Variants in BRD4 observed in about 807,000 individuals in gnomAD.
BRD4 encodes the protein bromodomain-containing protein 4.
Under a neutral mutation model 142.1 loss-of-function variants are expected in BRD4, and 16 were observed. That is an observed-to-expected ratio of 0.11 (90% CI 0.08 to 0.17). The LOEUF is 0.17. Ranked by LOEUF, BRD4 falls within the 10% of genes least tolerant of loss-of-function variation. BRD4 has a pLI of 1.00. For synonymous variants in BRD4, 833 were observed against 707.5 expected (o/e 1.18, Z -2.82); for missense variants, 1,424 against 1,810.9 (o/e 0.79, Z 3.88).
Position 15,272,300 on chromosome 19 carries a change from G to A in BRD4, c.285+515C>T, listed in dbSNP as rs191863746. On this transcript the variant is annotated intron_variant, in intron 2 of 19. Coordinates refer to ENST00000679869, the MANE Select transcript of BRD4 (RefSeq NM_001379291.1). ...CAGCCACCTTTCTCCAACTGGGGAC[G>A]CCTCCATGTACTTGCACTCCCTGCG... Among the ~76,000 whole-genome samples, 74 of 152,250 alleles carry A rather than the reference G, an allele frequency of 4.9e-4. 1 individual carries two copies. The highest frequency in any genetic ancestry group is 3.8e-3 in the Admixed American group (58 of 15,292).
chr19:15,331,586 G>A (rs537581297), intron 1 of BRD4, among the ~76,000 whole-genome samples: 6 of 152,320 alleles, frequency 3.9e-5, no homozygotes, highest in African/African-American at 7.2e-5. Context: ...CCTGGCCTCA[G>A]ACCGGCGTGC....
intron 2 of BRD4, among the ~76,000 whole-genome samples, chr19:15,271,490 C>T (rs2047586797): frequency 6.6e-6 from 1 of 152,296 alleles, no homozygotes; most frequent in East Asian, 1.9e-4. Flanking sequence ...CTTCTGTAGG[C>T]CTTCTGCCTT....
intron 14 of BRD4, among the ~76,000 whole-genome samples, chr19:15,241,986 T>C (rs953971613): frequency 1.3e-5 from 2 of 152,072 alleles, no homozygotes; most frequent in African/African-American, 4.8e-5. Flanking sequence ...ATAATTTTTG[T>C]ATTTTTAGTA....
intron 1 of BRD4, among the ~76,000 whole-genome samples, chr19:15,297,752 T>C (rs1248601701): frequency 6.6e-6 from 1 of 152,172 alleles, no homozygotes; most frequent in African/African-American, 2.4e-5. Context: ...TCACTTCCTC[T>C]GTATGAAGCC....
At position 15,244,703 on chromosome 19, in the gene BRD4, C is replaced by T; in HGVS notation, c.2211+7G>A. On this transcript the variant is annotated splice_region_variant and intron_variant, in intron 12 of 19. Transcript: ENST00000679869. Reference sequence around the variant, plus strand: ...ACCTAATGAAGGATGCCCCTGAGCCCATGTACCTTCTTCTGCTCCCTCCCG... The same window carrying T: ...ACCTAATGAAGGATGCCCCTGAGCCTATGTACCTTCTTCTGCTCCCTCCCG... 6.2e-7 allele frequency: 1 copy of T among 1,614,152 alleles called. No individual in the cohort carries two copies. The highest frequency in any genetic ancestry group is 8.5e-7 in the Non-Finnish European group (1 of 1,180,022).
intron 1 of BRD4, among the ~76,000 whole-genome samples, chr19:15,315,148 CTTTG>C (rs999374237): frequency 2.6e-5 from 4 of 151,882 alleles, no homozygotes; most frequent in African/African-American, 4.8e-5. Context: ...TCTGGACTGG[CTTTG>C]TTTTTTTTTT....
At chr19:15,263,661 A>G (rs1337283542) in intron 6 of BRD4, 113 bp from the exon 7 acceptor site, 1 of 1,377,912 alleles carries the variant, frequency 7.3e-7, no homozygotes, top group African/African-American at 1.4e-5. Context: ...CTTGGCTCTC[A>G]GTTTGGTCAA....
At chr19:15,289,119 C>T (rs2047762116) in intron 1 of BRD4, among the ~76,000 whole-genome samples, 1 of 152,226 alleles carries the variant, frequency 6.6e-6, no homozygotes. Flanking sequence ...GGCCCCATAG[C>T]TCTGTTTTCT....
chr19:15,270,486 T>C (rs1018843378), intron 2 of BRD4, among the ~76,000 whole-genome samples: 5 of 152,188 alleles, frequency 3.3e-5, no homozygotes, highest in Admixed American at 6.5e-5. Flanking sequence ...GAACCAAGTC[T>C]GAATAGATCT....
At chr19:15,264,992 T>TA (rs1309255469) in intron 5 of BRD4, among the ~76,000 whole-genome samples, 1 of 152,220 alleles carries the variant, frequency 6.6e-6, no homozygotes, top group African/African-American at 2.4e-5. Context: ...AGCATAAAAC[T>TA]GTGTGCTCAC....
intron 11 of BRD4, among the ~76,000 whole-genome samples, chr19:15,252,301 C>T (rs1048988188): frequency 4.9e-4 from 75 of 152,350 alleles, no homozygotes; most frequent in African/African-American, 1.8e-3. Flanking sequence ...GCCACGACCA[C>T]GTCATGTCAT....
chr19:15,238,675 TCC>T lies in BRD4; in HGVS notation c.4020+66_4020+67del. 6.9e-7 allele frequency: 1 copy of T among 1,457,422 alleles called. No individual in the cohort carries two copies. The highest frequency in any genetic ancestry group is 9.1e-7 in the Non-Finnish European group (1 of 1,103,920). The allele number at this position is 1,457,422 out of a possible 1,614,324, so 90.3% of individuals were successfully genotyped here. A position where few individuals can be genotyped will look rare whatever the true frequency, so the allele number is the denominator to read the frequency against. On this transcript the variant is annotated intron_variant, in intron 19 of 19. Transcript: ENST00000679869. This position sits in a 1 kb window ranked among gnomAD's most constrained non-coding sequence, Gnocchi z 7.2. The stretch of plus-strand genomic sequence containing the variant: ...CTGCCCCTCCCTGTCCAGGCTCCAG[TCC>T]CCCTTTCCCAGCTCCCTCAGGAGCT...
chr19:15,292,777 C>CAAAAAAAAAAAAAAAAAAAAAAAAAAAA (rs57341445), intron 1 of BRD4, among the ~76,000 whole-genome samples: 6 of 57,256 alleles, frequency 1.0e-4, no homozygotes, highest in Admixed American at 2.6e-4. Context: ...GACTCCGTCT[C>CAAAAAAAAAAAAAAAAAAAAAAAAAAAA]AAAAAAAAAA....
intron 14 of BRD4, among the ~76,000 whole-genome samples, chr19:15,242,362 C>T (rs933655427): frequency 6.6e-6 from 1 of 152,124 alleles, no homozygotes; most frequent in Non-Finnish European, 1.5e-5. Flanking sequence ...TGTGGCCTGA[C>T]CAATGCTGTC....
intron 1 of BRD4, among the ~76,000 whole-genome samples, chr19:15,283,134 G>A (rs1344732617): frequency 4.6e-5 from 7 of 152,096 alleles, no homozygotes; most frequent in Admixed American, 4.6e-4. Flanking sequence ...TGCTTAAGAG[G>A]GGTGTTTCCT....
intron 1 of BRD4, among the ~76,000 whole-genome samples, chr19:15,277,789 C>CCAAAA (rs370368371): frequency 0.13 from 20,036 of 149,448 alleles, 1,566 homozygotes; most frequent in Middle Eastern, 0.19. Flanking sequence ...GACTCCGTCT[C>CCAAAA]CAAAACAAAA....
rs1183518724 is a variant in BRD4, at chr19:15,242,905, G to A, written c.3164C>T (p.Ser1055Leu). ...SPRHHKSDPY[S>L]TGHLREAPSP... ...TACGGGTGAGGACCACTTACCGGTT[G>A]AGTAGGGGTCCGACTTGTGGTGCCG... is the stretch of plus-strand genomic sequence containing the variant. The change falls in exon 14 of 20, where the codon TCA becomes TTA. Residue 1055 changes from serine to leucine, a missense_variant. Ser to Leu is a moderately radical substitution (Grantham distance 145, BLOSUM62 -2). Transcript: ENST00000679869. 4.4e-6 allele frequency: 7 copies of A among 1,606,376 alleles called. 1 individual carries two copies. In the Admixed American group the frequency reaches 6.8e-5, roughly 16 times the overall value.
chr19:15,261,077 A>C (rs2047465325), intron 7 of BRD4, among the ~76,000 whole-genome samples: 1 of 152,208 alleles, frequency 6.6e-6, no homozygotes, highest in Non-Finnish European at 1.5e-5. Context: ...GTGTGGGCAA[A>C]AGCTGCGCCC....
intron 1 of BRD4, among the ~76,000 whole-genome samples, chr19:15,308,710 A>T (rs1013013784): frequency 6.6e-6 from 1 of 150,920 alleles, no homozygotes; most frequent in Non-Finnish European, 1.5e-5. Context: ...CATAAGCTGA[A>T]ACTCCTTAAA....
Sources: allele counts gnomAD v4.1 joint callset (sites outside exome capture counted in the v4.1 genomes callset), GRCh38; gene constraint gnomAD v4.1.1; non-coding constraint Gnocchi (gnomAD v3.1); transcripts MANE v1.5; gene names NCBI Gene and HGNC (gene_info 2026-07-23, HGNC 2026-07-21).